The following ZNF765 variants were observed in gnomAD, a reference collection of about 807,000 sequenced individuals.
ZNF765 encodes zinc finger protein 765.
ZNF765 carries 37 observed loss-of-function variants against 44.7 expected under a neutral mutation model. The observed-to-expected ratio is 0.83, with a 90% CI of 0.64 to 1.09. The LOEUF (loss-of-function observed/expected upper bound fraction) is 1.09. Among genes scored for constraint, ZNF765 ranks in the 50% least tolerant of loss-of-function variants. The pLI, the probability that ZNF765 is intolerant of heterozygous loss-of-function variation, is 0.00. For missense variants in ZNF765, 594 were observed against 626.1 expected (o/e 0.95, Z 0.55); for synonymous variants, 201 against 213.7 (o/e 0.94, Z 0.52).
downstream of ZNF765, among the ~76,000 whole-genome samples, chr19:53,415,196 G>A (rs6509754): frequency 0.76 from 114,619 of 151,750 alleles, 44,312 homozygotes; most frequent in Admixed American, 0.84. Context: ...CTTGAAGCCA[G>A]TTGGCAGAGG....
intron 3 of ZNF765, among the ~76,000 whole-genome samples, chr19:53,420,662 CCCCAACCCTGTCATTGCA>C (rs2085901543): frequency 1.3e-5 from 2 of 152,122 alleles, no homozygotes; most frequent in Non-Finnish European, 2.9e-5. Flanking sequence ...GTAACCCTAG[CCCCAACCCTGTCATTGCA>C]GAGACGTATG....
downstream of ZNF765, among the ~76,000 whole-genome samples, chr19:53,416,512 G>A (rs1372994275): frequency 6.6e-6 from 1 of 152,156 alleles, no homozygotes; most frequent in East Asian, 1.9e-4. Flanking sequence ...CCAGGAGTTG[G>A]AGACCTGCCT....
At chr19:53,419,315 T>G (rs553008548) in intron 3 of ZNF765, among the ~76,000 whole-genome samples, 1 of 152,196 alleles carries the variant, frequency 6.6e-6, no homozygotes, top group South Asian at 2.1e-4. Flanking sequence ...AAGAATTACC[T>G]AATTCTGTGC....
chr19:53,402,935 G>A (rs1167553814), intron 3 of ZNF765, among the ~76,000 whole-genome samples: 1 of 152,078 alleles, frequency 6.6e-6, no homozygotes, highest in East Asian at 1.9e-4. Flanking sequence ...CCAGCACTTC[G>A]GGAGGCTGAG....
chr19:53,400,525 A>G (rs2085713684), intron 2 of ZNF765, among the ~76,000 whole-genome samples: 1 of 152,064 alleles, frequency 6.6e-6, no homozygotes, highest in Non-Finnish European at 1.5e-5. Context: ...TTGCAGCAAG[A>G]TGAGATTCCT....
intron 3 of ZNF765, among the ~76,000 whole-genome samples, chr19:53,402,540 A>G (rs900627160): frequency 6.6e-6 from 1 of 151,992 alleles, no homozygotes; most frequent in African/African-American, 2.4e-5. Flanking sequence ...GACTACAGGC[A>G]TAAGCCACCG....
intron 2 of ZNF765, among the ~76,000 whole-genome samples, chr19:53,400,501 GC>G (rs1484571272): frequency 5.3e-5 from 8 of 151,934 alleles, no homozygotes; most frequent in Admixed American, 2.0e-4. Flanking sequence ...GTCCCCAACT[GC>G]CAATGTATCC....
chr19:53,411,406 C>T lies in ZNF765; in HGVS notation c.*2279C>T. The T allele has an allele frequency of 6.6e-6, 1 of 151,916 alleles. No individual in the cohort carries two copies. The highest frequency in any genetic ancestry group is 1.5e-5 in the Non-Finnish European group (1 of 68,330). The allele number at this position is 151,916 out of a possible 1,614,324, so 9.4% of individuals were successfully genotyped here. A position where few individuals can be genotyped will look rare whatever the true frequency, so the allele number is the denominator to read the frequency against. On this transcript the variant is annotated 3_prime_UTR_variant, in exon 4 of 4. Coordinates refer to ENST00000396408, the MANE Select transcript of ZNF765 (RefSeq NM_001040185.3). ...CTCCCAGGTTCAAGCAATTCTCCTG[C>T]CTCAGCCTCCAGAGTAGCTAGGATT...
intron 2 of ZNF765, among the ~76,000 whole-genome samples, chr19:53,399,426 G>A (rs528557145): frequency 4.9e-4 from 75 of 151,772 alleles, no homozygotes; most frequent in African/African-American, 1.8e-3. Flanking sequence ...TGTCAGTTCT[G>A]TGCCAGGCGT....
intron 2 of ZNF765, among the ~76,000 whole-genome samples, chr19:53,400,704 A>G (rs141810907): frequency 0.013 from 1,883 of 148,424 alleles, 56 homozygotes; most frequent in African/African-American, 0.044. Flanking sequence ...GGAAAATGAC[A>G]ACCCTTTGTA....
At chr19:53,413,414 C>A (rs1265055492), downstream of ZNF765, 5 of 493,340 alleles carry the variant, frequency 1.0e-5, no homozygotes, top group East Asian at 2.4e-4. Flanking sequence ...CCATATCAAG[C>A]TGAAAATGTC....
At chr19:53,422,106 AATG>A (rs1366423348) in intron 3 of ZNF765, among the ~76,000 whole-genome samples, 1 of 152,196 alleles carries the variant, frequency 6.6e-6, no homozygotes, top group Admixed American at 6.5e-5. Flanking sequence ...CCTCTGGGGT[AATG>A]TTTTACATGT....
intron 3 of ZNF765, among the ~76,000 whole-genome samples, chr19:53,418,910 G>GGAA (rs2085891136): frequency 1.0e-5 from 1 of 96,856 alleles, no homozygotes; most frequent in Non-Finnish European, 2.0e-5. Context: ...GTTGTGGGAG[G>GGAA]AAAAAAAAAA....
downstream of ZNF765, among the ~76,000 whole-genome samples, chr19:53,414,470 CACACACACACACACA>C (rs2085859811): frequency 4.1e-5 from 1 of 24,652 alleles, no homozygotes; most frequent in Non-Finnish European, 1.1e-4. Flanking sequence ...CACACACACA[CACACACACACACACA>C]CACACCCCCC....
chr19:53,403,964 T>C (rs1411665853), intron 3 of ZNF765, among the ~76,000 whole-genome samples: 3 of 152,244 alleles, frequency 2.0e-5, no homozygotes, highest in African/African-American at 7.2e-5. Flanking sequence ...AACATATATG[T>C]AGTGTTTTTT....
At chr19:53,413,625 C>T (rs2085850178), downstream of ZNF765, among the ~76,000 whole-genome samples, 1 of 144,640 alleles carries the variant, frequency 6.9e-6, no homozygotes, top group African/African-American at 2.5e-5. Flanking sequence ...TTTTTAACTC[C>T]ACTGGGTCAG....
At chr19:53,426,433 G>C (rs2085939911) in exon 4 of ZNF765, 1 of 151,990 alleles carries the variant, frequency 6.6e-6, no homozygotes, top group African/African-American at 2.4e-5. Context: ...GGCATCATGG[G>C]GCTGCGTGAT....
intron 3 of ZNF765, among the ~76,000 whole-genome samples, chr19:53,420,740 T>G (rs957523655): frequency 6.6e-6 from 1 of 152,134 alleles, no homozygotes; most frequent in Non-Finnish European, 1.5e-5. Context: ...GGCTGTGCTT[T>G]GTTAAAAAAG....
At chr19:53,418,877 C>A (rs2085890763) in intron 3 of ZNF765, among the ~76,000 whole-genome samples, 1 of 139,990 alleles carries the variant, frequency 7.1e-6, no homozygotes, top group African/African-American at 2.6e-5. Flanking sequence ...TTCACTCCAG[C>A]CTGGGCATAA....
Sources: allele counts gnomAD v4.1 joint callset (sites outside exome capture counted in the v4.1 genomes callset), GRCh38; gene constraint gnomAD v4.1.1; transcripts MANE v1.5; gene names NCBI Gene and HGNC (gene_info 2026-07-23, HGNC 2026-07-21).